Variants in SRPK2 observed in about 807,000 individuals in gnomAD.
SRPK2 encodes the protein SRSF protein kinase 2, also known as SFRS protein kinase 2.
In SRPK2, 21 loss-of-function variants were observed where a neutral mutation model predicts 90.8. The ratio of observed to expected loss-of-function variants is 0.23; its 90% CI spans 0.16 to 0.33. The LOEUF (loss-of-function observed/expected upper bound fraction) is 0.33, where lower values mean the gene tolerates loss of function less well. Ranked by LOEUF, SRPK2 falls within the 10% of genes least tolerant of loss-of-function variation. The pLI, the probability that SRPK2 is intolerant of heterozygous loss-of-function variation, is 1.00. For missense variants in SRPK2, 620 were observed against 869.0 expected (o/e 0.71, Z 3.60); for synonymous variants, 288 against 311.1 (o/e 0.93, Z 0.78).
chr7:105,203,728 T>C lies in SRPK2; in HGVS notation c.129A>G (p.Pro43=), dbSNP rs541036648. The C allele has an allele frequency of 6.4e-7, 1 of 1,569,644 alleles. No homozygotes were observed. Among genetic ancestry groups the C allele is most frequent in the East Asian group, 2.3e-5 (1 of 43,958 alleles). The change falls in exon 3 of 16, where the codon CCA becomes CCG. Residue 43 remains proline (P), a synonymous_variant. Transcript: ENST00000393651. ...TGGGGTCTGGCAAAGGTGGCGGTGG[T>C]GGTGGTGGTGGCGGTGGAGGAGGAG... ...LVPPPPPPPP[P]PPPPLPDPTP...
At chr7:105,169,709 C>T (rs1356565328) in intron 3 of SRPK2, among the ~76,000 whole-genome samples, 1 of 152,106 alleles carries the variant, frequency 6.6e-6, no homozygotes, top group Non-Finnish European at 1.5e-5. Flanking sequence ...ATCCAGACAG[C>T]CTGACCAAAA....
chr7:105,118,109 C>T (rs1799820033), intron 15 of SRPK2, 87 bp from the exon 16 acceptor site: 15 of 1,388,924 alleles, frequency 1.1e-5, no homozygotes, highest in South Asian at 3.9e-5. Flanking sequence ...TTCAGTGAAG[C>T]GGACAACCAC....
At chr7:105,286,051 T>C (rs1808062143) in intron 2 of SRPK2, among the ~76,000 whole-genome samples, 1 of 152,238 alleles carries the variant, frequency 6.6e-6, no homozygotes. Context: ...ATCTTCATTT[T>C]ACAGGAAAAC....
intron 2 of SRPK2, among the ~76,000 whole-genome samples, chr7:105,217,382 G>A (rs1171123518): frequency 6.6e-6 from 1 of 152,206 alleles, no homozygotes; most frequent in Non-Finnish European, 1.5e-5. Context: ...AAAACATACA[G>A]TGGTGCTGAG....
chr7:105,277,833 T>C (rs1249423489), intron 2 of SRPK2, among the ~76,000 whole-genome samples: 1 of 151,996 alleles, frequency 6.6e-6, no homozygotes, highest in East Asian at 1.9e-4. Context: ...AAAATACAAA[T>C]CTAGAGCCAA....
At chr7:105,187,540 C>A (rs1229673039) in intron 3 of SRPK2, among the ~76,000 whole-genome samples, 1 of 152,202 alleles carries the variant, frequency 6.6e-6, no homozygotes, top group African/African-American at 2.4e-5. Context: ...CTGTTCCTGT[C>A]AGCTTTTACC....
At chr7:105,258,719 G>C (rs1413502680) in intron 2 of SRPK2, among the ~76,000 whole-genome samples, 1 of 152,130 alleles carries the variant, frequency 6.6e-6, no homozygotes, top group Non-Finnish European at 1.5e-5. Flanking sequence ...GGGATGCAAG[G>C]CTGGTTCAAC....
chr7:105,182,580 T>C (rs565944472), intron 3 of SRPK2, among the ~76,000 whole-genome samples: 42 of 151,796 alleles, frequency 2.8e-4, no homozygotes, highest in African/African-American at 9.4e-4. Flanking sequence ...GTCTCCCAAG[T>C]AGCTGGAATT....
chr7:105,345,203 G>A (rs1816317663), intron 2 of SRPK2, among the ~76,000 whole-genome samples: 1 of 151,306 alleles, frequency 6.6e-6, no homozygotes, highest in South Asian at 2.1e-4. Flanking sequence ...GGGAGGGGAG[G>A]GGAAGGGAGG....
intron 2 of SRPK2, among the ~76,000 whole-genome samples, chr7:105,263,254 C>T (rs1295063858): frequency 1.3e-5 from 2 of 151,578 alleles, no homozygotes; most frequent in African/African-American, 4.9e-5. Context: ...ACCTGGGAGG[C>T]AGAGGTTGCA....
chr7:105,222,391 C>G (rs1206025902), intron 2 of SRPK2, among the ~76,000 whole-genome samples: 1 of 152,154 alleles, frequency 6.6e-6, no homozygotes, highest in African/African-American at 2.4e-5. Flanking sequence ...AAGTAACATT[C>G]CTTTTTAGGA....
intron 2 of SRPK2, among the ~76,000 whole-genome samples, chr7:105,224,636 A>G (rs890018230): frequency 6.6e-6 from 1 of 152,118 alleles, no homozygotes; most frequent in Non-Finnish European, 1.5e-5. Flanking sequence ...TAACTTTAAG[A>G]TATTTTAATT....
intron 2 of SRPK2, among the ~76,000 whole-genome samples, chr7:105,373,150 C>G (rs1019386887): frequency 6.6e-6 from 1 of 152,122 alleles, no homozygotes; most frequent in African/African-American, 2.4e-5. Flanking sequence ...AAAACTCTCT[C>G]TAATCCTTAG....
chr7:105,385,002 G>T (rs1376355496), intron 2 of SRPK2, among the ~76,000 whole-genome samples: 3 of 149,450 alleles, frequency 2.0e-5, no homozygotes, highest in Non-Finnish European at 3.0e-5. Flanking sequence ...TCAGCCTCCC[G>T]AGTAGCTGGG....
At chr7:105,215,598 T>C (rs1012896705) in intron 2 of SRPK2, among the ~76,000 whole-genome samples, 1 of 152,292 alleles carries the variant, frequency 6.6e-6, no homozygotes, top group South Asian at 2.1e-4. Context: ...CACTAACTGA[T>C]GAATGGATAA....
At chr7:105,221,571 AGCATCACGGAGC>A (rs1798100532) in intron 2 of SRPK2, among the ~76,000 whole-genome samples, 2 of 152,216 alleles carry the variant, frequency 1.3e-5, no homozygotes, top group Admixed American at 1.3e-4. Flanking sequence ...TGCCAAGGTC[AGCATCACGGAGC>A]ATTCTGTCAC....
At chr7:105,351,272 T>G (rs986949040) in intron 2 of SRPK2, among the ~76,000 whole-genome samples, 2 of 151,960 alleles carry the variant, frequency 1.3e-5, no homozygotes, top group Non-Finnish European at 2.9e-5. Context: ...AGGTCCTCAT[T>G]AGATGCACCC....
At chr7:105,122,500 C>T (rs1016864819) in intron 15 of SRPK2, among the ~76,000 whole-genome samples, 2 of 152,274 alleles carry the variant, frequency 1.3e-5, no homozygotes, top group South Asian at 4.1e-4. Context: ...GTGTAGCTGT[C>T]AAATGCCCAC....
downstream of SRPK2, chr7:105,115,634 A>C (rs539308800): frequency 9.8e-5 from 15 of 152,322 alleles, no homozygotes; most frequent in African/African-American, 3.4e-4. Context: ...AATCTGATAA[A>C]GCCATATTAT....
Sources: gnomAD v4.1 joint callset for allele counts (sites outside exome capture counted in the v4.1 genomes callset) on GRCh38, gnomAD v4.1.1 for gene constraint, MANE v1.5 for transcripts, NCBI Gene and HGNC (gene_info 2026-07-23, HGNC 2026-07-21) for gene names.